The following SCN9A variants were observed in gnomAD, a reference collection of about 807,000 sequenced individuals.
SCN9A encodes the protein sodium voltage-gated channel alpha subunit 9.
In SCN9A, 131 loss-of-function variants were observed where a neutral mutation model predicts 187.0. The observed-to-expected ratio is 0.70, with a 90% CI of 0.61 to 0.81. The LOEUF (loss-of-function observed/expected upper bound fraction) is 0.81, where lower values mean the gene tolerates loss of function less well. Ranked by LOEUF, SCN9A falls within the 30% of genes least tolerant of loss-of-function variation. SCN9A has a pLI of 0.00. For missense variants in SCN9A, 2,252 were observed against 2,396.6 expected (o/e 0.94, Z 1.26); for synonymous variants, 809 against 808.6 (o/e 1.00, Z -0.01).
At chr2:166,201,631 A>G (rs1309692953) in intron 26 of SCN9A, among the ~76,000 whole-genome samples, 3 of 57,388 alleles carry the variant, frequency 5.2e-5, no homozygotes, top group Non-Finnish European at 1.1e-4. Context: ...TGCGTATACT[A>G]TATATATAGT....
chr2:166,355,541 A>G (rs1700132417), intron 1 of SCN9A, among the ~76,000 whole-genome samples: 1 of 151,744 alleles, frequency 6.6e-6, no homozygotes, highest in African/African-American at 2.4e-5. Flanking sequence ...GCACACGCTA[A>G]GGATATTGAT....
At chr2:166,204,743 C>T (rs934141527) in intron 24 of SCN9A, 2 of 191,902 alleles carry the variant, frequency 1.0e-5, no homozygotes, top group African/African-American at 2.3e-5. Flanking sequence ...TTGTTTTAAA[C>T]TATGTACTTT....
intron 24 of SCN9A, among the ~76,000 whole-genome samples, chr2:166,223,611 A>C (rs1336118347): frequency 6.6e-6 from 1 of 152,242 alleles, no homozygotes; most frequent in Non-Finnish European, 1.5e-5. Flanking sequence ...ATGGGAATAA[A>C]GTTTCAATTA....
chr2:166,205,543 T>C (rs1288865069), intron 24 of SCN9A, among the ~76,000 whole-genome samples: 1 of 152,088 alleles, frequency 6.6e-6, no homozygotes, highest in East Asian at 1.9e-4. Flanking sequence ...ATGTAAGACC[T>C]AAAACCATAA....
At chr2:166,358,133 G>C (rs1193682329) in intron 1 of SCN9A, among the ~76,000 whole-genome samples, 2 of 151,286 alleles carry the variant, frequency 1.3e-5, no homozygotes, top group Non-Finnish European at 2.9e-5. Flanking sequence ...GCCTTGGTGC[G>C]ATCTCAGCTC....
intron 2 of SCN9A, among the ~76,000 whole-genome samples, chr2:166,311,248 T>TA (rs11340941): frequency 0.012 from 1,420 of 115,580 alleles, 47 homozygotes; most frequent in African/African-American, 0.044. Flanking sequence ...AAAGTATAAT[T>TA]AAAAAAAAAA....
intron 17 of SCN9A, among the ~76,000 whole-genome samples, chr2:166,261,816 C>T (rs78538425): frequency 0.065 from 9,914 of 151,786 alleles, 378 homozygotes; most frequent in Non-Finnish European, 0.089. Flanking sequence ...AAGTGTACTC[C>T]CTAGCCCCTA....
intron 17 of SCN9A, chr2:166,259,426 TC>T: frequency 6.6e-6 from 1 of 151,910 alleles, no homozygotes; most frequent in South Asian, 2.1e-4. Flanking sequence ...TGCTATATAC[TC>T]AACGTTAAGC....
At chr2:166,343,154 A>AT (rs1574946647) in intron 1 of SCN9A, among the ~76,000 whole-genome samples, 1 of 152,082 alleles carries the variant, frequency 6.6e-6, no homozygotes, top group African/African-American at 2.4e-5. Context: ...AAGAGCACCG[A>AT]TTTTTTTGTC....
intron 19 of SCN9A, among the ~76,000 whole-genome samples, chr2:166,242,071 C>T (rs1176904828): frequency 6.6e-6 from 1 of 152,148 alleles, no homozygotes; most frequent in Non-Finnish European, 1.5e-5. Context: ...CTGTTGCTCG[C>T]CAGTTGGAGC....
chr2:166,269,820 G>A (rs912794461), intron 17 of SCN9A, among the ~76,000 whole-genome samples: 10 of 152,054 alleles, frequency 6.6e-5, no homozygotes, highest in Non-Finnish European at 1.3e-4. Flanking sequence ...AATTTCAGAA[G>A]TCTTTGGTTG....
rs75970260 is a variant in SCN9A at position 166,213,459 on chromosome 2, CAATAAT to C, written c.4399-9001_4399-8996del. On this transcript the variant is annotated intron_variant, in intron 24 of 26. Coordinates refer to ENST00000642356, the MANE Select transcript of SCN9A (RefSeq NM_001365536.1). ...GAATAACTGAATAGACAAATTGAAC[CAATAAT>C]AATAATAATAATAATAATAATAATA... Among the ~76,000 whole-genome samples the C allele has an allele frequency of 8.5e-3, 1,195 of 140,942 alleles. 8 individuals carry two copies. Among genetic ancestry groups the C allele is most frequent in the Middle Eastern group, 0.011 (3 of 270 alleles). The allele number at this position is 140,942 out of a possible 152,430, so 92.5% of individuals were successfully genotyped here. A position where few individuals can be genotyped will look rare whatever the true frequency, so the allele number is the denominator to read the frequency against.
intron 1 of SCN9A, among the ~76,000 whole-genome samples, chr2:166,333,330 C>T (rs191711647): frequency 3.3e-5 from 5 of 152,022 alleles, no homozygotes; most frequent in Admixed American, 2.6e-4. Context: ...AAAATTTCCT[C>T]GATGATTGGC....
At chr2:166,347,504 G>A (rs1699928428) in intron 1 of SCN9A, among the ~76,000 whole-genome samples, 1 of 152,170 alleles carries the variant, frequency 6.6e-6, no homozygotes, top group South Asian at 2.1e-4. Context: ...TACAAGATGT[G>A]TTTGTTTCTC....
intron 17 of SCN9A, among the ~76,000 whole-genome samples, chr2:166,266,546 T>G (rs1326155429): frequency 1.3e-5 from 2 of 149,944 alleles, no homozygotes; most frequent in African/African-American, 4.9e-5. Context: ...CTATTTAGGG[T>G]CTTTTGTGGT....
At position 166,279,697 on chromosome 2, in the gene SCN9A, A is replaced by G. The variant is rs556673409; in HGVS notation, c.2343+660T>C. Among the ~76,000 whole-genome samples the G allele has an allele frequency of 5.9e-5, 9 of 152,244 alleles. No homozygotes were observed. The South Asian group carries it at 1.9e-3, about 32-fold the overall frequency. ...AGTTTTGATGACAATGATGTTGATG[A>G]TGATGATAGCTTTAATTTATTGTGT... On this transcript the variant is annotated intron_variant, in intron 14 of 26. Transcript: ENST00000642356.
rs529035618 is a variant in SCN9A at position 166,334,356 on chromosome 2, G to A, written c.-50-22550C>T. Among the ~76,000 whole-genome samples, 38 of 152,150 alleles carry A rather than the reference G, an allele frequency of 2.5e-4. 1 individual carries two copies. The highest frequency in any genetic ancestry group is 8.4e-4 in the African/African-American group (35 of 41,542). On this transcript the variant is annotated intron_variant, in intron 1 of 26. Transcript: ENST00000642356. The stretch of plus-strand genomic sequence containing the variant: ...TGATATCAGATGCTGTTTGAGCAGC[G>A]TCATGTAGAATATGGCAGAAGAGGC...
intron 24 of SCN9A, among the ~76,000 whole-genome samples, chr2:166,221,538 C>A (rs1454061416): frequency 6.6e-6 from 1 of 152,088 alleles, no homozygotes; most frequent in Non-Finnish European, 1.5e-5. Flanking sequence ...GTAGCTAGGA[C>A]TATAGGTGTG....
chr2:166,344,629 C>T (rs1007331318), intron 1 of SCN9A, among the ~76,000 whole-genome samples: 1 of 152,124 alleles, frequency 6.6e-6, no homozygotes, highest in African/African-American at 2.4e-5. Flanking sequence ...AATGAAATTT[C>T]CTGCTGCTAT....
Sources: gnomAD v4.1 joint callset for allele counts (sites outside exome capture counted in the v4.1 genomes callset) on GRCh38, gnomAD v4.1.1 for gene constraint, MANE v1.5 for transcripts, NCBI Gene and HGNC (gene_info 2026-07-23, HGNC 2026-07-21) for gene names.